The following GPHN variants were observed in gnomAD, a reference collection of about 807,000 sequenced individuals.
The protein encoded by GPHN is gephyrin.
In GPHN, 17 loss-of-function variants were observed where a neutral mutation model predicts 95.5. That is an observed-to-expected ratio of 0.18 (90% CI 0.12 to 0.27). GPHN has a LOEUF of 0.27. Among genes scored for constraint, GPHN ranks in the 10% least tolerant of loss-of-function variants. The probability of loss-of-function intolerance (pLI) is 1.00; values close to 1 mark genes in which losing one functional copy is unlikely to be tolerated. For missense variants in GPHN, 660 were observed against 978.1 expected (o/e 0.67, Z 4.34); for synonymous variants, 320 against 322.5 (o/e 0.99, Z 0.08).
intron 12 of GPHN, among the ~76,000 whole-genome samples, chr14:67,093,729 G>A (rs542149281): frequency 1.3e-5 from 2 of 151,980 alleles, no homozygotes; most frequent in Non-Finnish European, 2.9e-5. Flanking sequence ...ACCTCCCTGC[G>A]TTCCATAGGA....
the GPHN span, among the ~76,000 whole-genome samples, chr14:67,351,874 T>C: frequency 6.9e-6 from 1 of 144,440 alleles, no homozygotes; most frequent in African/African-American, 2.7e-5. Flanking sequence ...ATTTTTAACA[T>C]TTTACACATT....
At chr14:67,093,030 A>C (rs964150628) in intron 12 of GPHN, among the ~76,000 whole-genome samples, 1 of 152,100 alleles carries the variant, frequency 6.6e-6, no homozygotes. Context: ...AAAAAGTTCA[A>C]TTTGAAAGGT....
chr14:67,023,503 T>TATA (rs2153626688), intron 9 of GPHN, 130 bp from the exon 10 acceptor site: 1 of 669,842 alleles, frequency 1.5e-6, no homozygotes, highest in East Asian at 2.7e-5. Flanking sequence ...TTTACTAACA[T>TATA]GTTATGACAT....
At chr14:66,561,069 G>A (rs1400207633) in intron 1 of GPHN, among the ~76,000 whole-genome samples, 2 of 152,136 alleles carry the variant, frequency 1.3e-5, no homozygotes, top group East Asian at 3.8e-4. Context: ...TGTTGAACCA[G>A]CCTTGCATCC....
chr14:66,530,290 C>T (rs1472663871), intron 1 of GPHN, among the ~76,000 whole-genome samples: 1 of 152,052 alleles, frequency 6.6e-6, no homozygotes, highest in Non-Finnish European at 1.5e-5. Context: ...GGTGGACGTC[C>T]CTCCTTGCAC....
At chr14:67,320,422 TC>T in the GPHN span, 1 of 1,552,872 alleles carries the variant, frequency 6.4e-7, no homozygotes, top group Non-Finnish European at 8.7e-7. Context: ...ATTCCCATTT[TC>T]CTGTGCTTTT....
chr14:67,507,145 G>A, the GPHN span, among the ~76,000 whole-genome samples: 1 of 152,150 alleles, frequency 6.6e-6, no homozygotes, highest in African/African-American at 2.4e-5. Context: ...GGGCAACAGA[G>A]GGGGTTATAC....
chr14:66,737,498 A>G lies in GPHN; in HGVS notation c.144-38966A>G, dbSNP rs181395830. On this transcript the variant is annotated intron_variant, in intron 2 of 22. Coordinates refer to ENST00000478722, the MANE Select transcript of GPHN (RefSeq NM_020806.5). ...GGTAGACAGGCATGTATCTCTTTCA[A>G]CTCCCTTTTTGGAGTTTTGGTTGTT... Among the ~76,000 whole-genome samples, 4 of 150,404 alleles carry G rather than the reference A, an allele frequency of 2.7e-5. No individual in the cohort carries two copies. In the East Asian group the frequency reaches 5.9e-4, roughly 22 times the overall value.
chr14:66,589,339 A>G (rs571089720), intron 1 of GPHN, among the ~76,000 whole-genome samples: 279 of 152,300 alleles, frequency 1.8e-3, no homozygotes, highest in Non-Finnish European at 2.1e-3. Flanking sequence ...TGGGCAAAAT[A>G]ACCAGCTAGC....
At chr14:67,386,997 G>C in the GPHN span, 7 of 182,112 alleles carry the variant, frequency 3.8e-5, no homozygotes, top group Non-Finnish European at 6.8e-5. Context: ...TAAGAAGAGA[G>C]TTTTATTCAA....
At chr14:67,555,219 G>A in the GPHN span, among the ~76,000 whole-genome samples, 19 of 152,308 alleles carry the variant, frequency 1.2e-4, no homozygotes, top group East Asian at 3.9e-4. Flanking sequence ...TGACCAGCTC[G>A]CAAGATAGAA....
chr14:67,200,290 C>T, the GPHN span: 2 of 692,734 alleles, frequency 2.9e-6, no homozygotes, highest in Non-Finnish European at 2.5e-6. Context: ...CCACCAGTTG[C>T]CCCTCGAGGC....
chr14:67,203,067 A>G, the GPHN span: 1 of 1,604,102 alleles, frequency 6.2e-7, no homozygotes, highest in Non-Finnish European at 8.5e-7. Context: ...TCATCATATA[A>G]CGCCTTTTCC....
chr14:67,459,828 C>G, the GPHN span, among the ~76,000 whole-genome samples: 1 of 152,192 alleles, frequency 6.6e-6, no homozygotes, highest in Admixed American at 6.5e-5. Context: ...CAGCTGGGGG[C>G]TCAAGGGACA....
chr14:66,772,719 C>T (rs926344301), intron 2 of GPHN, among the ~76,000 whole-genome samples: 2 of 152,200 alleles, frequency 1.3e-5, no homozygotes, highest in Non-Finnish European at 1.5e-5. Context: ...TTTATCACCT[C>T]AGCCCTGTTA....
At chr14:67,446,054 T>G in the GPHN span, 1 of 518,530 alleles carries the variant, frequency 1.9e-6, no homozygotes, top group Non-Finnish European at 3.9e-6. Context: ...GAGGCCCAGA[T>G]AGAGGGTCTG....
the GPHN span, among the ~76,000 whole-genome samples, chr14:67,211,116 T>A: frequency 6.6e-6 from 1 of 152,216 alleles, no homozygotes; most frequent in Non-Finnish European, 1.5e-5. Flanking sequence ...TCTTCAGGTC[T>A]GTTTCCTCAT....
chr14:66,883,876 G>T (rs1421130112), intron 5 of GPHN, among the ~76,000 whole-genome samples: 2 of 151,982 alleles, frequency 1.3e-5, no homozygotes, highest in Non-Finnish European at 2.9e-5. Flanking sequence ...ACAGCTCAGG[G>T]ATGACCCTGG....
chr14:67,254,615 C>T, the GPHN span, among the ~76,000 whole-genome samples: 3 of 152,132 alleles, frequency 2.0e-5, no homozygotes, highest in Non-Finnish European at 2.9e-5. Context: ...TCTACTGTCA[C>T]TGCTTCAGTT....
Sources: allele counts gnomAD v4.1 joint callset (sites outside exome capture counted in the v4.1 genomes callset), GRCh38; gene constraint gnomAD v4.1.1; transcripts MANE v1.5; gene names NCBI Gene and HGNC (gene_info 2026-07-23, HGNC 2026-07-21).